HS3ST2: variants seen among roughly 807,000 people sequenced by gnomAD.
HS3ST2 encodes heparan sulfate-glucosamine 3-sulfotransferase 2.
In HS3ST2, 17 loss-of-function variants were observed where a neutral mutation model predicts 26.3. That is an observed-to-expected ratio of 0.65 (90% CI 0.44 to 0.97). The LOEUF is 0.97. Among genes scored for constraint, HS3ST2 ranks in the 50% least tolerant of loss-of-function variants. The probability of loss-of-function intolerance (pLI) is 0.00; values close to 1 mark genes in which losing one functional copy is unlikely to be tolerated. For synonymous variants in HS3ST2, 237 were observed against 219.2 expected, an observed-to-expected ratio of 1.08 and a Z score of -0.72; for missense variants, 402 against 501.2, an observed-to-expected ratio of 0.80 and a Z score of 1.89.
chr16:22,850,643 G>T (rs375053750), intron 1 of HS3ST2, among the ~76,000 whole-genome samples: 2 of 151,928 alleles, frequency 1.3e-5, no homozygotes, highest in Non-Finnish European at 2.9e-5. Flanking sequence ...AAAAATTAGC[G>T]AGGTGTGGTG....
At chr16:22,856,050 T>G (rs1357648910) in intron 1 of HS3ST2, among the ~76,000 whole-genome samples, 2 of 152,178 alleles carry the variant, frequency 1.3e-5, no homozygotes, top group Non-Finnish European at 2.9e-5. Context: ...GAAGGATGAA[T>G]AGTTGGTAGA....
At chr16:22,846,888 A>G (rs1035741100) in intron 1 of HS3ST2, among the ~76,000 whole-genome samples, 27 of 152,222 alleles carry the variant, frequency 1.8e-4, no homozygotes, top group African/African-American at 6.3e-4. Flanking sequence ...TGGCAGAGTC[A>G]GGATACAAAA....
chr16:22,842,767 C>T (rs1901377023), intron 1 of HS3ST2, among the ~76,000 whole-genome samples: 1 of 152,184 alleles, frequency 6.6e-6, no homozygotes, highest in Admixed American at 6.5e-5. Context: ...TTCTCCCCAG[C>T]TTTCTTTCCT....
chr16:22,884,677 TTA>T (rs71901649), intron 1 of HS3ST2, among the ~76,000 whole-genome samples: 2,815 of 138,160 alleles, frequency 0.02, 66 homozygotes, highest in African/African-American at 0.062. Context: ...TATATATATA[TTA>T]TATATATATA....
At chr16:22,848,770 G>C (rs1009308024) in intron 1 of HS3ST2, among the ~76,000 whole-genome samples, 1 of 152,128 alleles carries the variant, frequency 6.6e-6, no homozygotes, top group Non-Finnish European at 1.5e-5. Context: ...CTGTCTGTTA[G>C]AGAGACCATA....
intron 1 of HS3ST2, among the ~76,000 whole-genome samples, chr16:22,833,700 A>G (rs1008715075): frequency 4.6e-5 from 7 of 152,312 alleles, no homozygotes; most frequent in Non-Finnish European, 8.8e-5. Context: ...GCCTATTTCC[A>G]AAACAGTGGA....
chr16:22,840,001 C>T (rs1274399981), intron 1 of HS3ST2, among the ~76,000 whole-genome samples: 1 of 152,158 alleles, frequency 6.6e-6, no homozygotes, highest in East Asian at 1.9e-4. Context: ...CAAAAGTAGC[C>T]TTTAACCTTA....
At chr16:22,884,653 G>GAA (rs200488676) in intron 1 of HS3ST2, among the ~76,000 whole-genome samples, 280 of 140,482 alleles carry the variant, frequency 2.0e-3, no homozygotes, top group African/African-American at 6.0e-3. Context: ...GCAAAATAGA[G>GAA]AAAAAAATAT....
At chr16:22,872,711 T>C (rs541922506) in intron 1 of HS3ST2, among the ~76,000 whole-genome samples, 34 of 152,250 alleles carry the variant, frequency 2.2e-4, no homozygotes, top group Non-Finnish European at 4.0e-4. Context: ...GACTGCCTCA[T>C]TGAGGATGGG....
At chr16:22,856,108 C>A (rs1328434297) in intron 1 of HS3ST2, among the ~76,000 whole-genome samples, 1 of 152,174 alleles carries the variant, frequency 6.6e-6, no homozygotes, top group African/African-American at 2.4e-5. Context: ...CCACTTAATT[C>A]TGCAAAAGCA....
At chr16:22,830,759 C>T (rs766469509) in intron 1 of HS3ST2, among the ~76,000 whole-genome samples, 2 of 152,236 alleles carry the variant, frequency 1.3e-5, no homozygotes, top group African/African-American at 2.4e-5. Flanking sequence ...AAATCTAACA[C>T]GTTGCCTCCC....
At chr16:22,831,807 G>C (rs1360252371) in intron 1 of HS3ST2, among the ~76,000 whole-genome samples, 1 of 152,048 alleles carries the variant, frequency 6.6e-6, no homozygotes, top group Non-Finnish European at 1.5e-5. Flanking sequence ...GGGGAGGGGT[G>C]GCCACAAGAG....
intron 1 of HS3ST2, among the ~76,000 whole-genome samples, chr16:22,828,641 T>A (rs1681056147): frequency 6.6e-6 from 1 of 152,226 alleles, no homozygotes; most frequent in Admixed American, 6.5e-5. Flanking sequence ...CGAGATGGCT[T>A]AAAGTGGAGG....
chr16:22,823,088 T>A (rs924539830), intron 1 of HS3ST2, among the ~76,000 whole-genome samples: 11 of 152,186 alleles, frequency 7.2e-5, no homozygotes, highest in African/African-American at 2.4e-4. Flanking sequence ...ATAAATATTG[T>A]TTAAAAGCAA....
At chr16:22,883,194 C>T (rs915820732) in intron 1 of HS3ST2, among the ~76,000 whole-genome samples, 1 of 152,284 alleles carries the variant, frequency 6.6e-6, no homozygotes. Context: ...CTGAGAACCA[C>T]AAGATGAAAG....
At chr16:22,899,729 A>G (rs1019226339) in intron 1 of HS3ST2, among the ~76,000 whole-genome samples, 3 of 151,896 alleles carry the variant, frequency 2.0e-5, no homozygotes, top group Non-Finnish European at 2.9e-5. Context: ...GCAACAGGCA[A>G]GAGAGAGAGC....
At position 22,914,763 on chromosome 16, in the gene HS3ST2, A is replaced by AAAAAAAG. The variant is rs1489223344; in HGVS notation, c.486-180_486-179insAAAAAGA. ...AAAAAAAAAAAAAAAAAAAAAAAAA[A>AAAAAAAG]AGAGAAGAAAAGAAAATCAACAAGA... On this transcript the variant is annotated intron_variant, in intron 1 of 1. Transcript: ENST00000261374. Among the ~76,000 whole-genome samples, 941 of 118,744 alleles carry AAAAAAAG rather than the reference A, an allele frequency of 7.9e-3. 91 individuals carry two copies. Among genetic ancestry groups the AAAAAAAG allele is most frequent in the Non-Finnish European group, 0.01 (581 of 56,196 alleles). The allele number at this position is 118,744 out of a possible 152,430, so 77.9% of individuals were successfully genotyped here. A position where few individuals can be genotyped will look rare whatever the true frequency, so the allele number is the denominator to read the frequency against.
intron 1 of HS3ST2, among the ~76,000 whole-genome samples, chr16:22,828,158 T>C (rs999803563): frequency 2.6e-5 from 4 of 152,202 alleles, no homozygotes; most frequent in African/African-American, 4.8e-5. Flanking sequence ...AAAAGAACAT[T>C]ACGTTCTACT....
intron 1 of HS3ST2, among the ~76,000 whole-genome samples, chr16:22,903,516 C>G (rs1259152481): frequency 1.3e-5 from 2 of 152,194 alleles, no homozygotes; most frequent in Non-Finnish European, 2.9e-5. Flanking sequence ...TTAAACTAGC[C>G]TGTAGCTGAA....
Sources: allele counts gnomAD v4.1 joint callset (sites outside exome capture counted in the v4.1 genomes callset), GRCh38; gene constraint gnomAD v4.1.1; transcripts MANE v1.5; gene names NCBI Gene and HGNC (gene_info 2026-07-23, HGNC 2026-07-21).